ZBTB46: variants seen among roughly 807,000 people sequenced by gnomAD.
ZBTB46 encodes zinc finger and BTB domain containing 46.
A neutral mutation model predicts 44.1 loss-of-function variants in ZBTB46; 8 were observed. The observed-to-expected ratio is 0.18, with a 90% confidence interval of 0.11 to 0.33. ZBTB46 has a LOEUF of 0.33. Among genes scored for constraint, ZBTB46 ranks in the 10% least tolerant of loss-of-function variants. The pLI, the probability that ZBTB46 is intolerant of heterozygous loss-of-function variation, is 1.00. For synonymous variants in ZBTB46, 409 were observed against 382.3 expected (o/e 1.07, Z -0.81); for missense variants, 651 against 847.7 (o/e 0.77, Z 2.88).
chr20:63,772,583 G>T (rs1382131467), intron 3 of ZBTB46, among the ~76,000 whole-genome samples: 1 of 152,010 alleles, frequency 6.6e-6, no homozygotes, highest in East Asian at 1.9e-4. Context: ...GTGGGGTGTG[G>T]GGGCACCCAT....
chr20:63,791,267 G>A (rs980904496), intron 1 of ZBTB46, among the ~76,000 whole-genome samples: 8 of 152,100 alleles, frequency 5.3e-5, no homozygotes, highest in Non-Finnish European at 4.4e-5. Context: ...AGGCCGAGGA[G>A]GGTGGAGCAC....
intron 1 of ZBTB46, among the ~76,000 whole-genome samples, chr20:63,796,870 T>G (rs1286045402): frequency 6.6e-6 from 1 of 151,784 alleles, no homozygotes; most frequent in East Asian, 1.9e-4. Context: ...AAAATTTTGC[T>G]TAAAATGTAA....
rs914817469 is a variant in ZBTB46 at position 63,790,027 on chromosome 20, G to C, written c.731C>G (p.Pro244Arg). Residue 244 changes from proline (P) to arginine (R), a missense_variant, in exon 2 of 5, where the codon CCT becomes CGT. Transcript: ENST00000245663. Reference protein sequence around the residue: ...SPSQYGGSELPSAKDGAVQNS... With the variant: ...SPSQYGGSELRSAKDGAVQNS... Reference sequence around the variant, plus strand: ...CTGTACTGCACCGTCCTTGGCAGAAGGCAGCTCGCTCCCTCCGTACTGAGA... The same window carrying C: ...CTGTACTGCACCGTCCTTGGCAGAACGCAGCTCGCTCCCTCCGTACTGAGA... 1 of 1,613,890 alleles carries C rather than the reference G, an allele frequency of 6.2e-7. No homozygotes were observed. Among genetic ancestry groups the C allele is most frequent in the Admixed American group, 1.7e-5 (1 of 60,004 alleles).
intron 2 of ZBTB46, among the ~76,000 whole-genome samples, chr20:63,779,280 GC>G (rs2092449808): frequency 6.6e-6 from 1 of 151,862 alleles, no homozygotes; most frequent in African/African-American, 2.4e-5. Flanking sequence ...CGCTCTTGTT[GC>G]CCAGGCTGGA....
At chr20:63,802,900 A>C (rs1230570973) in intron 1 of ZBTB46, among the ~76,000 whole-genome samples, 4 of 152,066 alleles carry the variant, frequency 2.6e-5, no homozygotes, top group African/African-American at 9.7e-5. Flanking sequence ...GCTGATGCCC[A>C]AACCTCAGAC....
intron 1 of ZBTB46, among the ~76,000 whole-genome samples, chr20:63,797,055 C>T (rs913238851): frequency 3.9e-5 from 6 of 152,150 alleles, no homozygotes; most frequent in South Asian, 4.2e-4. Context: ...ATGTGCACAA[C>T]GTGCAGGTTT....
At chr20:63,825,037 C>T (rs2092812290) in intron 1 of ZBTB46, among the ~76,000 whole-genome samples, 1 of 52,814 alleles carries the variant, frequency 1.9e-5, no homozygotes, top group Non-Finnish European at 3.7e-5. Context: ...CATCACTGCA[C>T]CCCCGTCTCA....
intron 2 of ZBTB46, among the ~76,000 whole-genome samples, chr20:63,777,830 G>C (rs958016245): frequency 2.0e-5 from 3 of 152,166 alleles, no homozygotes; most frequent in Non-Finnish European, 4.4e-5. Flanking sequence ...ATGAAGAACA[G>C]ACACAGGCCA....
At chr20:63,828,032 C>T (rs894801866) in intron 1 of ZBTB46, among the ~76,000 whole-genome samples, 1 of 152,268 alleles carries the variant, frequency 6.6e-6, no homozygotes, top group Admixed American at 6.5e-5. Flanking sequence ...GCGGCCCGCC[C>T]GCCTCAGCCT....
chr20:63,808,976 C>CAAAAAAAAAAAAAAAAAAAAAAAAA (rs1157399042), intron 1 of ZBTB46, among the ~76,000 whole-genome samples: 3 of 75,226 alleles, frequency 4.0e-5, no homozygotes, highest in Non-Finnish European at 8.2e-5. Context: ...GACTCCGCTT[C>CAAAAAAAAAAAAAAAAAAAAAAAAA]AAAAAAAAAA....
chr20:63,784,873 T>C (rs2092499644), intron 2 of ZBTB46, among the ~76,000 whole-genome samples: 1 of 152,200 alleles, frequency 6.6e-6, no homozygotes. Context: ...GCCGGGATGA[T>C]GCACAGAGGG....
At chr20:63,755,203 T>G (rs2092208895) in intron 3 of ZBTB46, among the ~76,000 whole-genome samples, 1 of 152,228 alleles carries the variant, frequency 6.6e-6, no homozygotes, top group African/African-American at 2.4e-5. Context: ...CACTTCGGCT[T>G]CTTCTTAATG....
rs35212655 is a variant in ZBTB46 at position 63,808,245 on chromosome 20, A to AG, written c.-33-17456dup. 9.5e-4 allele frequency: 144 copies of AG among 152,256 alleles called. 1 individual carries two copies. In the East Asian group the frequency reaches 0.024, roughly 25 times the overall value. 9.4% of individuals were successfully genotyped at this position (152,256 alleles called of 1,614,324 possible). A position where few individuals can be genotyped will look rare whatever the true frequency, so the allele number is the denominator to read the frequency against. Reference sequence around the variant, plus strand: ...CTCCACATCCGCACGGCACAGACGGAGGGGGGGCCCATGGGGCCCCAGCGA... The same window carrying AG: ...CTCCACATCCGCACGGCACAGACGGAGGGGGGGGCCCATGGGGCCCCAGCGA... On this transcript the variant is annotated intron_variant, in intron 1 of 4. Coordinates refer to ENST00000245663, the MANE Select transcript of ZBTB46 (RefSeq NM_001369741.1).
At chr20:63,773,649 A>T (rs1354207846) in intron 3 of ZBTB46, among the ~76,000 whole-genome samples, 1 of 151,994 alleles carries the variant, frequency 6.6e-6, no homozygotes, top group African/African-American at 2.4e-5. Context: ...ACCCACGGGC[A>T]TGTGCCACCG....
chr20:63,764,860 T>C (rs1042202168), intron 3 of ZBTB46, among the ~76,000 whole-genome samples: 7 of 151,980 alleles, frequency 4.6e-5, no homozygotes, highest in African/African-American at 1.7e-4. Context: ...CGGCCTCCCA[T>C]AGTGCTGGGA....
intron 1 of ZBTB46, among the ~76,000 whole-genome samples, chr20:63,812,880 G>C (rs2092725670): frequency 6.6e-6 from 1 of 152,126 alleles, no homozygotes; most frequent in South Asian, 2.1e-4. Flanking sequence ...TGGATCATGA[G>C]GTCAAGACAT....
chr20:63,751,276 G>T (rs907274450), intron 4 of ZBTB46, among the ~76,000 whole-genome samples: 2 of 152,208 alleles, frequency 1.3e-5, no homozygotes. Context: ...TTGCAGACCT[G>T]CCATCTCGTG....
At chr20:63,823,670 C>G (rs2092804619) in intron 1 of ZBTB46, among the ~76,000 whole-genome samples, 1 of 152,034 alleles carries the variant, frequency 6.6e-6, no homozygotes, top group Non-Finnish European at 1.5e-5. Flanking sequence ...TGCACTCCAG[C>G]CTGGGCAACA....
intron 1 of ZBTB46, among the ~76,000 whole-genome samples, chr20:63,805,784 C>CT (rs1448513165): frequency 6.6e-6 from 1 of 151,142 alleles, no homozygotes; most frequent in Admixed American, 6.6e-5. Context: ...GAGACGGAGT[C>CT]TCGCTCTGTC....
Sources: gnomAD v4.1 joint callset for allele counts (sites outside exome capture counted in the v4.1 genomes callset) on GRCh38, gnomAD v4.1.1 for gene constraint, MANE v1.5 for transcripts, NCBI Gene and HGNC (gene_info 2026-07-23, HGNC 2026-07-21) for gene names.